MYO1F: variants seen among roughly 807,000 people sequenced by gnomAD.
The protein encoded by MYO1F is unconventional myosin-If.
MYO1F carries 60 observed loss-of-function variants against 146.6 expected under a neutral mutation model. That is an observed-to-expected ratio of 0.41 (90% CI 0.33 to 0.51). The LOEUF is 0.51. MYO1F is among the 20% of genes least tolerant of loss of function. MYO1F has a pLI of 0.25. For missense variants in MYO1F, 1,274 were observed against 1,534.3 expected, an observed-to-expected ratio of 0.83 and a Z score of 2.83; for synonymous variants, 602 against 602.1, an observed-to-expected ratio of 1.00 and a Z score of 0.00.
intron 19 of MYO1F, among the ~76,000 whole-genome samples, chr19:8,531,559 A>T (rs546957250): frequency 1.3e-5 from 2 of 151,972 alleles, no homozygotes; most frequent in African/African-American, 4.8e-5. Flanking sequence ...GGCTGGAAAA[A>T]TTTTTATCTT....
At chr19:8,542,773 T>A (rs537889968) in intron 14 of MYO1F, among the ~76,000 whole-genome samples, 101 of 149,576 alleles carry the variant, frequency 6.8e-4, no homozygotes, top group African/African-American at 2.5e-3. Flanking sequence ...GCTGATTTTT[T>A]TTTTTATTTT....
intron 1 of MYO1F, among the ~76,000 whole-genome samples, chr19:8,574,762 T>A (rs1302249039): frequency 4.0e-5 from 6 of 150,924 alleles, no homozygotes; most frequent in African/African-American, 1.2e-4. Flanking sequence ...TCTCTCTCTT[T>A]CTTTTTTTTT....
chr19:8,542,134 G>T, intron 14 of MYO1F, 143 bp from the exon 15 acceptor site: 1 of 693,764 alleles, frequency 1.4e-6, no homozygotes, highest in Non-Finnish European at 2.6e-6. Context: ...TACAGCGCTG[G>T]CTGGGGGGTA....
At chr19:8,560,959 A>C (rs568856066) in intron 1 of MYO1F, among the ~76,000 whole-genome samples, 2 of 151,098 alleles carry the variant, frequency 1.3e-5, no homozygotes, top group South Asian at 2.1e-4. Flanking sequence ...GGATGGTCTC[A>C]ATCTCCTGAC....
chr19:8,556,792 C>T (rs1279372456), intron 1 of MYO1F, among the ~76,000 whole-genome samples: 1 of 148,902 alleles, frequency 6.7e-6, no homozygotes, highest in African/African-American at 2.5e-5. Flanking sequence ...GAGGCTGAGG[C>T]AGGAGAATCG....
intron 15 of MYO1F, chr19:8,540,267 C>G (rs1208185128): frequency 9.0e-6 from 4 of 442,782 alleles, no homozygotes; most frequent in Non-Finnish European, 1.6e-5. Flanking sequence ...CAGCCTGGAA[C>G]TCCTGGGCTC....
In MYO1F at chr19:8,549,909, C is replaced by A. The variant is rs1346397731; in HGVS notation, c.1101+251G>T. ...CCAACCTCCTGGGTTCAAATGATCC[C>A]CCAACCTCAGCCCTCTGAGTAGCCA... On this transcript the variant is annotated intron_variant, in intron 10 of 27. Coordinates refer to ENST00000644032, the MANE Select transcript of MYO1F (RefSeq NM_012335.4). 4 of 580,194 alleles carry A rather than the reference C, an allele frequency of 6.9e-6. No individual in the cohort carries two copies. The East Asian group carries it at 8.8e-5, about 13-fold the overall frequency. 35.9% of individuals were successfully genotyped at this position (580,194 alleles called of 1,614,324 possible).
At chr19:8,548,623 C>T (rs1342382075) in intron 10 of MYO1F, among the ~76,000 whole-genome samples, 7 of 144,244 alleles carry the variant, frequency 4.9e-5, no homozygotes, top group African/African-American at 7.9e-5. Context: ...TTTTTTGAGA[C>T]GGAGTCTCAC....
At chr19:8,566,535 AC>A (rs2042008576) in intron 1 of MYO1F, among the ~76,000 whole-genome samples, 1 of 149,896 alleles carries the variant, frequency 6.7e-6, no homozygotes, top group Non-Finnish European at 1.5e-5. Context: ...TATTTTTGAA[AC>A]AGAGTGTTGC....
chr19:8,555,423 A>ATCC, intron 2 of MYO1F: 1 of 425,712 alleles, frequency 2.3e-6, no homozygotes, highest in Non-Finnish European at 4.3e-6. Flanking sequence ...ACAGGGTTGG[A>ATCC]TCCGGAATGG....
chr19:8,543,798 GTGCTGGTGGTGC>G (rs1973146223), intron 14 of MYO1F, among the ~76,000 whole-genome samples: 2 of 10,900 alleles, frequency 1.8e-4, no homozygotes, highest in Non-Finnish European at 3.5e-4. Flanking sequence ...GGTGGTGGTG[GTGCTGGTGGTGC>G]TGGTGGTGGT....
At chr19:8,558,648 T>C (rs115088972) in intron 1 of MYO1F, among the ~76,000 whole-genome samples, 1,984 of 151,832 alleles carry the variant, frequency 0.013, 50 homozygotes, top group African/African-American at 0.045. Flanking sequence ...TGCAAAGGAG[T>C]AGTCTGACAG....
At position 8,577,318 on chromosome 19, in the gene MYO1F, G is replaced by A. The variant is rs781881287; in HGVS notation, c.-9C>T. 3 of 1,613,842 alleles carry A rather than the reference G, an allele frequency of 1.9e-6. No individual in the cohort carries two copies. The highest frequency in any genetic ancestry group is 1.6e-4 in the Middle Eastern group (1 of 6,084). ...CTTGAAGGACTTACCATGGTGGGGG[G>A]CTGGTGTCTGGGCTCCTGGAGGCTC... On this transcript the variant is annotated 5_prime_UTR_variant, in exon 1 of 28. Coordinates refer to ENST00000644032, the MANE Select transcript of MYO1F (RefSeq NM_012335.4). This position sits in a 1 kb window ranked among gnomAD's most constrained non-coding sequence, Gnocchi z 4.3.
intron 14 of MYO1F, among the ~76,000 whole-genome samples, chr19:8,543,693 G>GTGC (rs1973099731): frequency 1.4e-4 from 3 of 20,932 alleles, no homozygotes; most frequent in African/African-American, 5.3e-4. Flanking sequence ...GGTGGTGGTG[G>GTGC]TGGTGGTGGT....
intron 19 of MYO1F, among the ~76,000 whole-genome samples, chr19:8,533,842 A>G (rs898292835): frequency 1.1e-4 from 16 of 152,192 alleles, no homozygotes; most frequent in African/African-American, 3.6e-4. Flanking sequence ...CACAAAGGCC[A>G]ACAGGCAGAT....
At chr19:8,541,851 C>A in intron 15 of MYO1F, 55 bp downstream of exon 15, 1 of 1,507,488 alleles carries the variant, frequency 6.6e-7, no homozygotes, top group Non-Finnish European at 9.2e-7. Context: ...CCCGGTCCTC[C>A]CTCCATCCCC....
At chr19:8,542,073 G>A in intron 14 of MYO1F, 82 bp from the exon 15 acceptor site, 2 of 1,100,862 alleles carry the variant, frequency 1.8e-6, no homozygotes, top group East Asian at 2.4e-5. Flanking sequence ...CAGCCCAGGT[G>A]GTCAAGGCTT....
At chr19:8,557,043 T>C (rs1237800107) in intron 1 of MYO1F, among the ~76,000 whole-genome samples, 1 of 151,932 alleles carries the variant, frequency 6.6e-6, no homozygotes, top group Non-Finnish European at 1.5e-5. Context: ...CCCAGCACTT[T>C]GGGAGGCCGA....
In MYO1F at chr19:8,550,469, C is replaced by G. The variant is rs111740323; in HGVS notation, c.904+93G>C. The G allele has an allele frequency of 2.1e-3, 3,316 of 1,607,224 alleles. 54 individuals are homozygous for G. The African/African-American group carries it at 0.032, about 16-fold the overall frequency. On this transcript the variant is annotated intron_variant, in intron 9 of 27. Transcript: ENST00000644032. ...CCAGTGACACCCACATTTTTTTCCT[C>G]GTGGGCTTTCAGCTTCCTGGGGGCT...
Sources: gnomAD v4.1 joint callset for allele counts (sites outside exome capture counted in the v4.1 genomes callset) on GRCh38, gnomAD v4.1.1 for gene constraint, Gnocchi (gnomAD v3.1) non-coding constraint, MANE v1.5 for transcripts, NCBI Gene and HGNC (gene_info 2026-07-23, HGNC 2026-07-21) for gene names.